CCR3: variants seen among roughly 807,000 people sequenced by gnomAD.
CCR3 encodes the protein C-C chemokine receptor type 3.
For synonymous variants in CCR3, 203 were observed against 179.2 expected (o/e 1.13, Z -1.06); for missense variants, 419 against 437.5 (o/e 0.96, Z 0.38).
intron 1 of CCR3, among the ~76,000 whole-genome samples, chr3:46,252,236 C>T (rs1023841306): frequency 7.4e-6 from 1 of 135,816 alleles, no homozygotes; most frequent in African/African-American, 2.8e-5. Context: ...AGTGGAGTGG[C>T]ACGATCTCAG....
intron 2 of CCR3, among the ~76,000 whole-genome samples, chr3:46,218,605 C>T (rs1277878068): frequency 1.3e-5 from 2 of 152,094 alleles, no homozygotes; most frequent in African/African-American, 4.8e-5. Context: ...CCGAATTCAA[C>T]AGGATATCAA....
At chr3:46,222,201 C>T (rs1364130158) in intron 2 of CCR3, among the ~76,000 whole-genome samples, 2 of 152,134 alleles carry the variant, frequency 1.3e-5, no homozygotes, top group East Asian at 3.9e-4. Flanking sequence ...ACCACCAATC[C>T]ATATCAACAC....
At chr3:46,250,375 G>A (rs184799232) in intron 1 of CCR3, among the ~76,000 whole-genome samples, 81 of 152,166 alleles carry the variant, frequency 5.3e-4, no homozygotes, top group African/African-American at 1.9e-3. Context: ...AGAAAAGGAA[G>A]ATTAGAAAGA....
chr3:46,239,428 T>C (rs1700056292), upstream of CCR3, among the ~76,000 whole-genome samples: 1 of 152,232 alleles, frequency 6.6e-6, no homozygotes, highest in South Asian at 2.1e-4. Context: ...ATCAAGCTCC[T>C]ACCATGTGCT....
intron 2 of CCR3, among the ~76,000 whole-genome samples, chr3:46,222,568 C>G (rs34673873): frequency 0.066 from 10,107 of 152,212 alleles, 456 homozygotes; most frequent in Middle Eastern, 0.12. Context: ...GTCCTGGGCT[C>G]TAACTTCAGA....
At chr3:46,251,386 C>T (rs1575503676) in intron 1 of CCR3, among the ~76,000 whole-genome samples, 2 of 151,676 alleles carry the variant, frequency 1.3e-5, no homozygotes, top group Non-Finnish European at 2.9e-5. Flanking sequence ...AAGTGTGGCG[C>T]CAAGATTGAA....
intron 1 of CCR3, among the ~76,000 whole-genome samples, chr3:46,242,978 T>TATAC (rs1322626418): frequency 3.7e-5 from 3 of 81,360 alleles, no homozygotes; most frequent in South Asian, 4.0e-4. Context: ...TATATATATA[T>TATAC]ACACATATAT....
At chr3:46,215,181 G>A (rs898465361) in intron 2 of CCR3, among the ~76,000 whole-genome samples, 6 of 152,148 alleles carry the variant, frequency 3.9e-5, no homozygotes, top group Admixed American at 2.0e-4. Flanking sequence ...TCCAGTCTGA[G>A]TGCTCATGCT....
At chr3:46,265,094 A>C in intron 1 of CCR3, 54 bp from the exon 2 acceptor site, 1 of 1,182,798 alleles carries the variant, frequency 8.5e-7, no homozygotes, top group South Asian at 1.4e-5. Context: ...GGTGTGTTTT[A>C]CGAAGGATGA....
intron 2 of CCR3, among the ~76,000 whole-genome samples, chr3:46,227,113 C>T (rs1299105142): frequency 6.6e-6 from 1 of 151,968 alleles, no homozygotes; most frequent in African/African-American, 2.4e-5. Context: ...CTCCTGACCT[C>T]AGGTAATCCC....
chr3:46,218,226 G>C (rs1214224381), intron 2 of CCR3, among the ~76,000 whole-genome samples: 1 of 151,784 alleles, frequency 6.6e-6, no homozygotes, highest in East Asian at 1.9e-4. Context: ...AGAGGAGATG[G>C]ATAAATTCCT....
intron 1 of CCR3, among the ~76,000 whole-genome samples, chr3:46,256,694 C>T (rs771296817): frequency 2.4e-4 from 36 of 152,000 alleles, no homozygotes; most frequent in Non-Finnish European, 4.4e-4. Flanking sequence ...AAATAAATTG[C>T]GTAAAAAATC....
intron 1 of CCR3, among the ~76,000 whole-genome samples, chr3:46,251,456 T>G (rs1183412480): frequency 6.6e-6 from 1 of 151,982 alleles, no homozygotes; most frequent in Non-Finnish European, 1.5e-5. Context: ...AAGAGGCCGC[T>G]TACTGGATTT....
intron 2 of CCR3, among the ~76,000 whole-genome samples, chr3:46,237,399 C>T (rs191758740): frequency 8.7e-4 from 132 of 152,210 alleles, no homozygotes; most frequent in African/African-American, 2.1e-3. Flanking sequence ...CTCTTCACTC[C>T]GTTGGTTGTT....
intron 2 of CCR3, among the ~76,000 whole-genome samples, chr3:46,226,074 A>G (rs747561852): frequency 2.6e-5 from 4 of 152,168 alleles, no homozygotes; most frequent in Non-Finnish European, 5.9e-5. Flanking sequence ...TATCTGGATT[A>G]CTGTAGCTAT....
At chr3:46,263,264 A>G (rs1700560100) in intron 1 of CCR3, 1 of 153,462 alleles carries the variant, frequency 6.5e-6, no homozygotes, top group Non-Finnish European at 1.5e-5. Flanking sequence ...AACGGTGAAT[A>G]CAGGCTACTA....
intron 1 of CCR3, among the ~76,000 whole-genome samples, chr3:46,246,915 G>A (rs1378700285): frequency 6.6e-6 from 1 of 151,990 alleles, no homozygotes. Flanking sequence ...CTTGTGGTAA[G>A]GGGTGATATT....
intron 1 of CCR3, among the ~76,000 whole-genome samples, chr3:46,250,287 G>C (rs949052133): frequency 6.6e-5 from 10 of 152,162 alleles, no homozygotes; most frequent in African/African-American, 2.4e-4. Flanking sequence ...AAAGATTACA[G>C]GGTGGAGGAG....
chr3:46,236,128 G>A (rs1304869803), intron 2 of CCR3, among the ~76,000 whole-genome samples: 2 of 152,186 alleles, frequency 1.3e-5, no homozygotes, highest in African/African-American at 4.8e-5. Flanking sequence ...GTGTGCCCAT[G>A]GCTCTGACTA....
Sources: gnomAD v4.1 joint callset for allele counts (sites outside exome capture counted in the v4.1 genomes callset) on GRCh38, gnomAD v4.1.1 for gene constraint, MANE v1.5 for transcripts, NCBI Gene and HGNC (gene_info 2026-07-23, HGNC 2026-07-21) for gene names.